The following CSRNP3 variants were observed in gnomAD, a reference collection of about 807,000 sequenced individuals.
The protein encoded by CSRNP3 is cysteine/serine-rich nuclear protein 3.
CSRNP3 carries 12 observed loss-of-function variants against 48.0 expected under a neutral mutation model. That is an observed-to-expected ratio of 0.25 (90% CI 0.16 to 0.41). The LOEUF (loss-of-function observed/expected upper bound fraction) is 0.41. Among genes scored for constraint, CSRNP3 ranks in the 10% least tolerant of loss-of-function variants. The pLI, the probability that CSRNP3 is intolerant of heterozygous loss-of-function variation, is 1.00. For missense variants in CSRNP3, 580 were observed against 724.4 expected, an observed-to-expected ratio of 0.80 and a Z score of 2.29; for synonymous variants, 263 against 269.7, an observed-to-expected ratio of 0.98 and a Z score of 0.24.
Position 165,495,783 on chromosome 2 carries a change from G to A in CSRNP3, c.-113+855G>A, listed in dbSNP as rs148888775. Among the ~76,000 whole-genome samples, 480 of 152,052 alleles carry A rather than the reference G, an allele frequency of 3.2e-3. 1 individual carries two copies. Among genetic ancestry groups the A allele is most frequent in the Admixed American group, 6.0e-3 (91 of 15,238 alleles). On this transcript the variant is annotated intron_variant, in intron 2 of 6. Transcript: ENST00000651982. Reference sequence around the variant, plus strand: ...TTTAACTTTGTATTCCACGAGTAAAGGTAAAAATTATTCAACATAAAAGAG... The same window carrying A: ...TTTAACTTTGTATTCCACGAGTAAAAGTAAAAATTATTCAACATAAAAGAG...
intron 1 of CSRNP3, among the ~76,000 whole-genome samples, chr2:165,483,277 A>G (rs1307471504): frequency 2.0e-5 from 3 of 152,152 alleles, no homozygotes; most frequent in South Asian, 4.1e-4. Flanking sequence ...GCTCTAAACC[A>G]TCTGATTTTT....
intron 5 of CSRNP3, among the ~76,000 whole-genome samples, chr2:165,659,905 G>A (rs916234417): frequency 6.6e-6 from 1 of 152,120 alleles, no homozygotes; most frequent in African/African-American, 2.4e-5. Context: ...CCAATTTCAT[G>A]GCAAAGCAGT....
chr2:165,588,930 C>T (rs1574851389), intron 3 of CSRNP3, among the ~76,000 whole-genome samples: 1 of 152,040 alleles, frequency 6.6e-6, no homozygotes, highest in Non-Finnish European at 1.5e-5. Context: ...CCACTGCACT[C>T]CAGACTAGGC....
At chr2:165,627,190 G>A (rs561673257) in intron 4 of CSRNP3, among the ~76,000 whole-genome samples, 17 of 152,190 alleles carry the variant, frequency 1.1e-4, no homozygotes, top group Non-Finnish European at 1.8e-4. Context: ...TGTTGTCTCC[G>A]CTCAATATTC....
chr2:165,568,809 G>T (rs1013721729), intron 3 of CSRNP3, among the ~76,000 whole-genome samples: 3 of 151,934 alleles, frequency 2.0e-5, no homozygotes, highest in Non-Finnish European at 4.4e-5. Flanking sequence ...ATTAAGATAA[G>T]TTTTGTCTCT....
intron 4 of CSRNP3, among the ~76,000 whole-genome samples, chr2:165,632,605 A>G (rs910957694): frequency 2.0e-5 from 3 of 152,208 alleles, no homozygotes; most frequent in Non-Finnish European, 4.4e-5. Context: ...TTACAGTTAC[A>G]TTTTTAAAAG....
At chr2:165,482,438 A>AT (rs1342699333) in intron 1 of CSRNP3, among the ~76,000 whole-genome samples, 2 of 151,680 alleles carry the variant, frequency 1.3e-5, no homozygotes, top group Non-Finnish European at 1.5e-5. Flanking sequence ...CAGTTTTTGT[A>AT]TTTTTTTGTA....
At chr2:165,671,219 T>C (rs559360065) in intron 5 of CSRNP3, among the ~76,000 whole-genome samples, 1 of 152,202 alleles carries the variant, frequency 6.6e-6, no homozygotes, top group Non-Finnish European at 1.5e-5. Flanking sequence ...TGCATTTGAC[T>C]AACTAAAGTC....
chr2:165,643,166 G>C (rs1157687820), intron 4 of CSRNP3, among the ~76,000 whole-genome samples: 1 of 152,066 alleles, frequency 6.6e-6, no homozygotes, highest in Non-Finnish European at 1.5e-5. Context: ...CCAGATGCTT[G>C]GAATCTATGA....
intron 4 of CSRNP3, among the ~76,000 whole-genome samples, chr2:165,653,525 G>A (rs1335866744): frequency 6.6e-6 from 1 of 152,114 alleles, no homozygotes; most frequent in East Asian, 1.9e-4. Flanking sequence ...TAGGGAAAAG[G>A]TAATTTGGCT....
At chr2:165,556,956 T>G (rs768508398) in intron 3 of CSRNP3, among the ~76,000 whole-genome samples, 1 of 152,162 alleles carries the variant, frequency 6.6e-6, no homozygotes, top group Non-Finnish European at 1.5e-5. Context: ...TTGGATTGGT[T>G]AGAAACCAGA....
At chr2:165,534,818 A>G (rs1330767325) in intron 3 of CSRNP3, among the ~76,000 whole-genome samples, 4 of 151,820 alleles carry the variant, frequency 2.6e-5, no homozygotes, top group Non-Finnish European at 5.9e-5. Context: ...CATTAATAAT[A>G]TTTATCAAAC....
chr2:165,521,016 A>G (rs150452012), intron 3 of CSRNP3, among the ~76,000 whole-genome samples: 1 of 150,966 alleles, frequency 6.6e-6, no homozygotes, highest in Admixed American at 6.6e-5. Flanking sequence ...TTTTGTAGAG[A>G]CAAGGTCTTG....
At chr2:165,663,212 C>A (rs538998821) in intron 5 of CSRNP3, among the ~76,000 whole-genome samples, 1 of 152,300 alleles carries the variant, frequency 6.6e-6, no homozygotes, top group South Asian at 2.1e-4. Flanking sequence ...TGAACTATAT[C>A]AATCATCAAC....
intron 1 of CSRNP3, among the ~76,000 whole-genome samples, chr2:165,478,430 C>T (rs979811908): frequency 2.0e-5 from 3 of 152,096 alleles, no homozygotes; most frequent in African/African-American, 7.2e-5. Flanking sequence ...AAAAAAGCAG[C>T]ACGTGTACAT....
At chr2:165,541,778 C>G (rs1018695693) in intron 3 of CSRNP3, among the ~76,000 whole-genome samples, 1 of 152,108 alleles carries the variant, frequency 6.6e-6, no homozygotes, top group South Asian at 2.1e-4. Context: ...TCCTGTCATA[C>G]ACTTAATGAA....
chr2:165,649,219 A>G (rs1337813362), intron 4 of CSRNP3, among the ~76,000 whole-genome samples: 1 of 152,198 alleles, frequency 6.6e-6, no homozygotes, highest in African/African-American at 2.4e-5. Flanking sequence ...TTATTATGTC[A>G]CTTAGTCTTA....
rs1687669919 is a variant in CSRNP3, at chr2:165,688,698, C to T, written c.*8945C>T. 1 of 151,828 alleles carries T rather than the reference C, an allele frequency of 6.6e-6. No homozygotes were observed. Among genetic ancestry groups the T allele is most frequent in the Admixed American group, 6.6e-5 (1 of 15,206 alleles). 9.4% of individuals were successfully genotyped at this position (151,828 alleles called of 1,614,324 possible). On this transcript the variant is annotated 3_prime_UTR_variant, in exon 7 of 7. Transcript: ENST00000651982. Reference sequence around the variant, plus strand: ...TGATCCAAAGGACTTGGGTGTTATCCTTCAGTCTGTGTTGAACCATTCAGA... The same window carrying T: ...TGATCCAAAGGACTTGGGTGTTATCTTTCAGTCTGTGTTGAACCATTCAGA...
intron 3 of CSRNP3, among the ~76,000 whole-genome samples, chr2:165,568,072 T>C (rs1685321156): frequency 1.3e-5 from 2 of 152,196 alleles, no homozygotes; most frequent in South Asian, 4.1e-4. Flanking sequence ...ATCTAAACAA[T>C]TTTAAATATT....
Sources: allele counts gnomAD v4.1 joint callset (sites outside exome capture counted in the v4.1 genomes callset), GRCh38; gene constraint gnomAD v4.1.1; transcripts MANE v1.5; gene names NCBI Gene and HGNC (gene_info 2026-07-23, HGNC 2026-07-21).